Variants in CSMD2 observed in about 807,000 individuals in gnomAD.
CSMD2 encodes CUB and Sushi multiple domains 2, also known as CUB and sushi domain-containing protein 2.
Under a neutral mutation model 398.5 loss-of-function variants are expected in CSMD2, and 130 were observed. The observed-to-expected ratio is 0.33, with a 90% confidence interval of 0.28 to 0.38. The LOEUF (loss-of-function observed/expected upper bound fraction) is 0.38. CSMD2 is among the 10% of genes least tolerant of loss of function. The pLI, the probability that CSMD2 is intolerant of heterozygous loss-of-function variation, is 1.00. For synonymous variants in CSMD2, 1,828 were observed against 1,908.5 expected, an observed-to-expected ratio of 0.96 and a Z score of 1.10; for missense variants, 3,829 against 4,764.9, an observed-to-expected ratio of 0.80 and a Z score of 5.78.
At position 33,624,542 on chromosome 1, in the gene CSMD2, C is replaced by A. The variant is rs529777814; in HGVS notation, c.5602G>T (p.Val1868Phe). ...ACCTGGATGCCAGCGCCTTCGGGGA[C>A]CACGATCTTCCACACACAGTTGAGG... ...NSLNCVWKIVVPEGAGIQIQV... is the reference protein window; with the variant it reads ...NSLNCVWKIVFPEGAGIQIQV... Residue 1868 changes from valine (V) to phenylalanine (F), a missense_variant, in exon 35 of 71, where the codon GTC becomes TTC. By Grantham distance (50) the Val-to-Phe change is conservative (BLOSUM62 -1). This residue lies in a region of CSMD2 where 2,001 missense variants were observed against 2,567.1 expected (regional missense o/e 0.78). Transcript: ENST00000373381. The surrounding 1 kb of genome is among the most constrained non-coding windows in gnomAD (Gnocchi z 4.7). 6.2e-7 allele frequency: 1 copy of A among 1,613,940 alleles called. No individual in the cohort carries two copies. The highest frequency in any genetic ancestry group is 8.5e-7 in the Non-Finnish European group (1 of 1,179,918).
intron 2 of CSMD2, among the ~76,000 whole-genome samples, chr1:34,062,986 C>T (rs2576004): frequency 0.017 from 2,604 of 152,042 alleles, 94 homozygotes; most frequent in African/African-American, 0.06. Flanking sequence ...TCTTACATGG[C>T]GGCAACAAGA....
In CSMD2 at chr1:33,743,591, T is replaced by C. The variant is rs1647159685; in HGVS notation, c.1862A>G (p.Asn621Ser). ...KPGCVFSCFF[N>S]FTSPSGVVLS... The stretch of plus-strand genomic sequence containing the variant: ...GACAACCCCAGACGGGCTGGTGAAG[T>C]TGAAGAAGCAGGAGACTGCAAGAGA... The change falls in exon 14 of 71, where the codon AAC (asparagine) becomes AGC (serine). Residue 621 changes from asparagine to serine, a missense_variant. Transcript: ENST00000373381. 3.8e-6 allele frequency: 6 copies of C among 1,599,886 alleles called. No homozygotes were observed. Among genetic ancestry groups the C allele is most frequent in the Non-Finnish European group, 5.1e-6 (6 of 1,170,280 alleles).
chr1:33,978,297 G>A (rs1397062220), intron 3 of CSMD2, among the ~76,000 whole-genome samples: 9 of 152,124 alleles, frequency 5.9e-5, no homozygotes, highest in African/African-American at 9.7e-5. Flanking sequence ...GGTGTAATGG[G>A]ACAATATTCT....
rs1336355086 is a variant in CSMD2, at chr1:33,617,596, G to A, written c.5849C>T (p.Pro1950Leu). The A allele has an allele frequency of 8.1e-6, 13 of 1,613,788 alleles. No individual in the cohort carries two copies. Among genetic ancestry groups the A allele is most frequent in the African/African-American group, 5.3e-5 (4 of 74,898 alleles). Residue 1950 changes from proline (P) to leucine (L), a missense_variant, in exon 38 of 71, where the codon CCG becomes CTG. Physicochemically the swap from Pro to Leu is moderately conservative, Grantham distance 98. Transcript: ENST00000373381. Reference sequence around the variant, plus strand: ...CCCGTTACTGGGCACAGCAGGTTCCGGACAACTGCTCAGGCCCACCGCTAG... The same window carrying A: ...CCCGTTACTGGGCACAGCAGGTTCCAGACAACTGCTCAGGCCCACCGCTAG... ...EYKTVGLSSC[P>L]EPAVPSNGVK...
chr1:34,055,763 T>C (rs1473215121), intron 2 of CSMD2, among the ~76,000 whole-genome samples: 2 of 152,138 alleles, frequency 1.3e-5, no homozygotes, highest in African/African-American at 4.8e-5. Flanking sequence ...TTTTATAGAA[T>C]CTTCATTACA....
At chr1:33,617,749 G>A (rs547983081) in intron 37 of CSMD2, 132 bp from the exon 38 acceptor site, 2 of 676,668 alleles carry the variant, frequency 3.0e-6, no homozygotes, top group African/African-American at 1.8e-5. Flanking sequence ...CATCCTGTAG[G>A]CTAGTTCTTC....
chr1:34,044,792 A>G (rs562598267), intron 2 of CSMD2, among the ~76,000 whole-genome samples: 2 of 152,354 alleles, frequency 1.3e-5, no homozygotes, highest in Non-Finnish European at 2.9e-5. Flanking sequence ...TAAGGCTGTT[A>G]GCACATCAAA....
chr1:34,099,505 C>A (rs1659741865), intron 1 of CSMD2, among the ~76,000 whole-genome samples: 1 of 152,244 alleles, frequency 6.6e-6, no homozygotes, highest in Non-Finnish European at 1.5e-5. Context: ...TGGCTCAGAC[C>A]TGCCAAGGAC....
chr1:33,798,669 A>T (rs1267008287), intron 10 of CSMD2, among the ~76,000 whole-genome samples: 1 of 152,214 alleles, frequency 6.6e-6, no homozygotes, highest in Non-Finnish European at 1.5e-5. Flanking sequence ...GCTATAATTC[A>T]GTGTGAAGGG....
chr1:33,896,274 TG>T (rs1354185259), intron 5 of CSMD2, among the ~76,000 whole-genome samples: 3 of 151,860 alleles, frequency 2.0e-5, no homozygotes, highest in Non-Finnish European at 4.4e-5. Flanking sequence ...GAGGATTTCT[TG>T]GTTCTCAGCA....
chr1:33,692,681 C>A (rs1645280320), intron 25 of CSMD2, among the ~76,000 whole-genome samples: 1 of 152,196 alleles, frequency 6.6e-6, no homozygotes, highest in African/African-American at 2.4e-5. Context: ...TCAATCCATG[C>A]CCTCGGCTAC....
intron 19 of CSMD2, 112 bp from the exon 20 acceptor site, chr1:33,716,613 A>T (rs557996391): frequency 2.3e-4 from 173 of 738,248 alleles, no homozygotes; most frequent in Non-Finnish European, 3.6e-4. Context: ...ATCTGTGTGT[A>T]TGACTACAAG....
chr1:34,039,524 G>A (rs1174076782), intron 2 of CSMD2, among the ~76,000 whole-genome samples: 1 of 152,200 alleles, frequency 6.6e-6, no homozygotes, highest in Non-Finnish European at 1.5e-5. Context: ...TTCAGGTATG[G>A]TGAGGCCAAC....
chr1:33,620,836 T>G (rs1570971707), intron 37 of CSMD2, among the ~76,000 whole-genome samples: 1 of 137,732 alleles, frequency 7.3e-6, no homozygotes, highest in East Asian at 2.1e-4. Context: ...TTTTTCCAGG[T>G]GCATGCTTCA....
intron 26 of CSMD2, among the ~76,000 whole-genome samples, chr1:33,658,664 C>G (rs1045666087): frequency 1.1e-4 from 16 of 152,132 alleles, no homozygotes; most frequent in African/African-American, 3.6e-4. Context: ...GAGCTCGAGA[C>G]CAGCCTGAGC....
chr1:33,646,649 T>C lies in CSMD2; in HGVS notation c.4773A>G (p.Thr1591=). The change falls in exon 29 of 71, where the codon ACA becomes ACG. Residue 1591 remains threonine, a splice_region_variant and synonymous_variant. Coordinates refer to ENST00000373381, the MANE Select transcript of CSMD2 (RefSeq NM_001281956.2). ...ACTCTCTGGCACCAGGGCCCTTACC[T>C]GTATAGTCAATGACGAAGCCAGCAT... ...VSNAGFVIDY[T]ENPRESCFDP... is the part of the protein sequence containing the mutation. The C allele has an allele frequency of 6.2e-7, 1 of 1,613,394 alleles. No homozygotes were observed. Among genetic ancestry groups the C allele is most frequent in the South Asian group, 1.1e-5 (1 of 91,044 alleles).
In CSMD2 at chr1:33,872,271, A is replaced by G. The variant is rs145465705; in HGVS notation, c.921-25275T>C. On this transcript the variant is annotated intron_variant, in intron 5 of 70. Transcript: ENST00000373381. ...ACTGCTTATGTGAGAAGAGAGAAAA[A>G]AAAAAGTTAAAGTGAGACAGGACCT... 5.3e-5 allele frequency among the ~76,000 whole-genome samples: 8 copies of G among 152,286 alleles called. No individual in the cohort carries two copies. The East Asian group carries it at 1.2e-3, about 22-fold the overall frequency.
At chr1:33,829,278 C>A (rs1201717069) in intron 6 of CSMD2, among the ~76,000 whole-genome samples, 1 of 152,184 alleles carries the variant, frequency 6.6e-6, no homozygotes, top group Non-Finnish European at 1.5e-5. Context: ...ATTGATGGGT[C>A]ATGTAAGATC....
intron 2 of CSMD2, among the ~76,000 whole-genome samples, chr1:34,035,784 C>A (rs1352302817): frequency 6.7e-6 from 1 of 149,396 alleles, no homozygotes; most frequent in Non-Finnish European, 1.5e-5. Flanking sequence ...TGGTGAAAGA[C>A]TGAATGCTTT....
Sources: gnomAD v4.1 joint callset for allele counts (sites outside exome capture counted in the v4.1 genomes callset) on GRCh38, gnomAD v4.1.1 for gene constraint, gnomAD v4.1.1 regional missense constraint, Gnocchi (gnomAD v3.1) non-coding constraint, MANE v1.5 for transcripts, NCBI Gene and HGNC (gene_info 2026-07-23, HGNC 2026-07-21) for gene names.